The following NUDT3 variants were observed in gnomAD, a reference collection of about 807,000 sequenced individuals.
NUDT3 encodes the protein nudix hydrolase 3.
NUDT3 carries 9 observed loss-of-function variants against 23.6 expected under a neutral mutation model. The observed-to-expected ratio is 0.38, with a 90% CI of 0.23 to 0.66. NUDT3 has a LOEUF of 0.66. NUDT3 is among the 30% of genes least tolerant of loss of function. NUDT3 has a pLI of 0.52. For synonymous variants in NUDT3, 86 were observed against 82.6 expected (o/e 1.04, Z -0.22); for missense variants, 172 against 218.5 (o/e 0.79, Z 1.34).
chr6:34,357,912 T>C (rs1764587415), intron 1 of NUDT3, among the ~76,000 whole-genome samples: 1 of 152,192 alleles, frequency 6.6e-6, no homozygotes, highest in African/African-American at 2.4e-5. Flanking sequence ...GGTTTTCTTC[T>C]AGTAATTTAT....
intron 1 of NUDT3, among the ~76,000 whole-genome samples, chr6:34,349,262 T>C (rs999643924): frequency 6.6e-6 from 1 of 152,116 alleles, no homozygotes; most frequent in Non-Finnish European, 1.5e-5. Context: ...TGAGAAATGA[T>C]TAAGACAGTA....
intron 2 of NUDT3, among the ~76,000 whole-genome samples, chr6:34,327,925 G>T (rs945632316): frequency 6.6e-6 from 1 of 152,122 alleles, no homozygotes; most frequent in South Asian, 2.1e-4. Context: ...CACTGCTCAC[G>T]ATGTCCCTTC....
chr6:34,391,221 A>G (rs751061600), intron 1 of NUDT3, among the ~76,000 whole-genome samples: 4 of 152,170 alleles, frequency 2.6e-5, no homozygotes, highest in Non-Finnish European at 5.9e-5. Flanking sequence ...TCGACACTGC[A>G]CTGTACTGCG....
In NUDT3 at chr6:34,280,435, A is replaced by G. The variant is rs2113684365; in HGVS notation, c.*8318T>C. Reference sequence around the variant, plus strand: ...AGCATTTGGATTGGGGGTAAGGGCAATTTTACTCCAGCTCCTTGTTTTATA... The same window carrying G: ...AGCATTTGGATTGGGGGTAAGGGCAGTTTTACTCCAGCTCCTTGTTTTATA... On this transcript the variant is annotated 3_prime_UTR_variant, in exon 5 of 5. Transcript: ENST00000607016. 1.3e-5 allele frequency: 2 copies of G among 152,328 alleles called. No homozygotes were observed. Among genetic ancestry groups the G allele is most frequent in the Middle Eastern group, 3.4e-3 (1 of 294 alleles). The allele number at this position is 152,328 out of a possible 1,614,324, so 9.4% of individuals were successfully genotyped here.
At chr6:34,303,025 C>T (rs970140341) in intron 2 of NUDT3, among the ~76,000 whole-genome samples, 1 of 152,020 alleles carries the variant, frequency 6.6e-6, no homozygotes, top group African/African-American at 2.4e-5. Context: ...ACTTCTAAGC[C>T]ATTTTTGTAC....
chr6:34,378,140 A>C (rs975782333), intron 1 of NUDT3, among the ~76,000 whole-genome samples: 47 of 136,080 alleles, frequency 3.5e-4, no homozygotes, highest in East Asian at 6.3e-4. Flanking sequence ...GCTCCTACCC[A>C]AAAAAAAAAA....
At chr6:34,303,757 G>T (rs567139082) in intron 2 of NUDT3, among the ~76,000 whole-genome samples, 1 of 151,996 alleles carries the variant, frequency 6.6e-6, no homozygotes, top group African/African-American at 2.4e-5. Flanking sequence ...TCGAGATCAG[G>T]GGTCAGCAAA....
At chr6:34,360,865 C>T (rs1048850477) in intron 1 of NUDT3, among the ~76,000 whole-genome samples, 11 of 149,790 alleles carry the variant, frequency 7.3e-5, no homozygotes, top group Admixed American at 2.0e-4. Context: ...ATTTAAAATT[C>T]AACAATAAAA....
chr6:34,308,276 A>G (rs1215188249), intron 2 of NUDT3, among the ~76,000 whole-genome samples: 1 of 151,448 alleles, frequency 6.6e-6, no homozygotes, highest in Non-Finnish European at 1.5e-5. Flanking sequence ...TGGTCAACAT[A>G]GGGACACCCT....
At chr6:34,295,527 A>T in intron 3 of NUDT3, 114 bp downstream of exon 3, 1 of 1,291,656 alleles carries the variant, frequency 7.7e-7, no homozygotes, top group Non-Finnish European at 1.1e-6. Flanking sequence ...TCAAAAAGTT[A>T]AAAATAACTA....
In NUDT3 at chr6:34,392,229, C is replaced by A. The variant is rs1028425265; in HGVS notation, c.99+35G>T. On this transcript the variant is annotated intron_variant, in intron 1 of 4. Transcript: ENST00000607016. Reference sequence around the variant, plus strand: ...GCCTCCACCCGAAGGGGCCGGAGACCCGGCGACCCCGGCCCGCCCAGCCTG... The same window carrying A: ...GCCTCCACCCGAAGGGGCCGGAGACACGGCGACCCCGGCCCGCCCAGCCTG... 3.9e-6 allele frequency: 6 copies of A among 1,520,246 alleles called. No individual in the cohort carries two copies. The African/African-American group carries it at 7.0e-5, about 18-fold the overall frequency. The allele number at this position is 1,520,246 out of a possible 1,614,324, so 94.2% of individuals were successfully genotyped here.
intron 1 of NUDT3, among the ~76,000 whole-genome samples, chr6:34,380,076 C>CTATT (rs963057843): frequency 3.0e-4 from 46 of 151,642 alleles, no homozygotes; most frequent in South Asian, 2.3e-3. Context: ...TAATTTTTAT[C>CTATT]TATTTATTTA....
Position 34,392,244 on chromosome 6 carries a change from C to G in NUDT3, c.99+20G>C. 1.3e-6 allele frequency: 2 copies of G among 1,562,422 alleles called. No homozygotes were observed. The highest frequency in any genetic ancestry group is 1.2e-5 in the South Asian group (1 of 86,598). On this transcript the variant is annotated intron_variant, in intron 1 of 4. Transcript: ENST00000607016. ...GGCCGGAGACCCGGCGACCCCGGCC[C>G]GCCCAGCCTGCCGCCTCACCTCCTC... is the stretch of plus-strand genomic sequence containing the variant.
In NUDT3 at chr6:34,307,881, G is replaced by A. The variant is rs143426202; in HGVS notation, c.211-12196C>T. ...TGCCTGTAATCTCAGCACTTTGGGC[G>A]GCTGAGGCAGATGGATCACTTGAGG... On this transcript the variant is annotated intron_variant, in intron 2 of 4. Coordinates refer to ENST00000607016, the MANE Select transcript of NUDT3 (RefSeq NM_006703.4). 1.2e-3 allele frequency among the ~76,000 whole-genome samples: 176 copies of A among 151,932 alleles called. 1 individual carries two copies. Among genetic ancestry groups the A allele is most frequent in the Admixed American group, 2.3e-3 (35 of 15,268 alleles).
chr6:34,313,253 GA>G (rs1763803072), intron 2 of NUDT3, among the ~76,000 whole-genome samples: 1 of 152,126 alleles, frequency 6.6e-6, no homozygotes, highest in African/African-American at 2.4e-5. Context: ...AAGTCAATCT[GA>G]AAAGGCTACA....
At chr6:34,341,810 G>A in intron 2 of NUDT3, 52 bp downstream of exon 2, 1 of 1,534,820 alleles carries the variant, frequency 6.5e-7, no homozygotes, top group Non-Finnish European at 9.0e-7. Flanking sequence ...ACACAGATAG[G>A]ACAGGTTCAT....
intron 1 of NUDT3, among the ~76,000 whole-genome samples, chr6:34,375,833 T>A (rs1051721998): frequency 2.6e-5 from 4 of 152,160 alleles, no homozygotes; most frequent in Non-Finnish European, 4.4e-5. Flanking sequence ...TGTTGCTACA[T>A]CTCATCTTCA....
chr6:34,282,455 T>A lies in NUDT3; in HGVS notation c.*6298A>T, dbSNP rs893710098. 4 of 152,284 alleles carry A rather than the reference T, an allele frequency of 2.6e-5. No homozygotes were observed. Among genetic ancestry groups the A allele is most frequent in the Middle Eastern group, 6.8e-3 (2 of 294 alleles). 9.4% of individuals were successfully genotyped at this position (152,284 alleles called of 1,614,324 possible). A position where few individuals can be genotyped will look rare whatever the true frequency, so the allele number is the denominator to read the frequency against. On this transcript the variant is annotated 3_prime_UTR_variant, in exon 5 of 5. Transcript: ENST00000607016. ...CAGCATTGGCATTGAGGCATCTTGCTTTTTTTCCTCAGAATTCCACAAAGG... is the reference window on the plus strand; with the variant it reads ...CAGCATTGGCATTGAGGCATCTTGCATTTTTTCCTCAGAATTCCACAAAGG...
intron 3 of NUDT3, among the ~76,000 whole-genome samples, chr6:34,294,858 C>A (rs1009072814): frequency 6.6e-6 from 1 of 152,146 alleles, no homozygotes; most frequent in Non-Finnish European, 1.5e-5. Context: ...AACTTCTACC[C>A]TCAAGAGATC....
Sources: gnomAD v4.1 joint callset for allele counts (sites outside exome capture counted in the v4.1 genomes callset) on GRCh38, gnomAD v4.1.1 for gene constraint, MANE v1.5 for transcripts, NCBI Gene and HGNC (gene_info 2026-07-23, HGNC 2026-07-21) for gene names.